The following MYH8 variants were observed in gnomAD, a reference collection of about 807,000 sequenced individuals.
MYH8 encodes myosin-8.
MYH8 carries 168 observed loss-of-function variants against 233.2 expected under a neutral mutation model. That is an observed-to-expected ratio of 0.72 (90% CI 0.64 to 0.82). The LOEUF is 0.82. Ranked by LOEUF, MYH8 falls within the 40% of genes least tolerant of loss-of-function variation. The pLI is 0.00. For missense variants in MYH8, 1,995 were observed against 2,327.8 expected, an observed-to-expected ratio of 0.86 and a Z score of 2.94; for synonymous variants, 785 against 850.6, an observed-to-expected ratio of 0.92 and a Z score of 1.34.
chr17:10,406,110 A>T lies in MYH8; in HGVS notation c.2363T>A (p.Ile788Lys). 6 of 1,614,112 alleles carry T rather than the reference A, an allele frequency of 3.7e-6. No homozygotes were observed. Among genetic ancestry groups the T allele is most frequent in the Non-Finnish European group, 4.2e-6 (5 of 1,180,004 alleles). Residue 788 changes from isoleucine (I) to lysine (K), a missense_variant, in exon 21 of 40, where the codon ATA (isoleucine) becomes AAA (lysine). Ile to Lys is a moderately radical substitution (Grantham distance 102). Transcript: ENST00000403437. ...CCTACAGACAGCTTGTGTTCTTGTTATAATTTGGGCTAATTTTTCATCTCT... is the reference window on the plus strand; with the variant it reads ...CCTACAGACAGCTTGTGTTCTTGTTTTAATTTGGGCTAATTTTTCATCTCT... ...EMRDEKLAQI[I>K]TRTQAVCRGF... is the part of the protein sequence containing the mutation.
At chr17:10,398,909 A>C (rs1436642648) in intron 28 of MYH8, 23 bp from the exon 29 acceptor site, 2 of 1,575,672 alleles carry the variant, frequency 1.3e-6, no homozygotes, top group Admixed American at 1.7e-5. Flanking sequence ...GACATAAGGG[A>C]ATTTTTTACT....
chr17:10,391,309 T>C (rs2072020552), intron 39 of MYH8, among the ~76,000 whole-genome samples: 1 of 152,238 alleles, frequency 6.6e-6, no homozygotes, highest in Non-Finnish European at 1.5e-5. Context: ...GAATTTCTAC[T>C]GTATATCATT....
Position 10,390,434 on chromosome 17 carries a change from A to G in MYH8, c.*20T>C. On this transcript the variant is annotated 3_prime_UTR_variant, in exon 40 of 40. Coordinates refer to ENST00000403437, the MANE Select transcript of MYH8 (RefSeq NM_002472.3). ...TTTTGTGCCTTTCTTCAGCCTCTTG[A>G]TAGCATCAGGCAGGTGTGTTTACTC... 6.2e-7 allele frequency: 1 copy of G among 1,612,774 alleles called. No individual in the cohort carries two copies. Among genetic ancestry groups the G allele is most frequent in the Non-Finnish European group, 8.5e-7 (1 of 1,180,014 alleles).
In MYH8 at chr17:10,401,778, T is replaced by A; in HGVS notation, c.2696A>T (p.Asp899Val). 1 of 1,614,246 alleles carries A rather than the reference T, an allele frequency of 6.2e-7. No individual in the cohort carries two copies. The highest frequency in any genetic ancestry group is 8.5e-7 in the Non-Finnish European group (1 of 1,180,046). ...DLQLQVQSEA[D>V]SLADAEERCE... ...CCTTTCCTCTGCATCAGCCAAGCTATCTGCTTCCTATGGAGAGATTCATTC... is the reference window on the plus strand; with the variant it reads ...CCTTTCCTCTGCATCAGCCAAGCTAACTGCTTCCTATGGAGAGATTCATTC... The change falls in exon 23 of 40, where the codon GAT becomes GTT. Residue 899 changes from aspartate to valine, a missense_variant. Physicochemically the swap from Asp to Val is radical, Grantham distance 152. Coordinates refer to ENST00000403437, the MANE Select transcript of MYH8 (RefSeq NM_002472.3).
In MYH8 at chr17:10,396,974, G is replaced by A; in HGVS notation, c.4191C>T (p.Ala1397=). 6.2e-7 allele frequency: 1 copy of A among 1,614,134 alleles called. No individual in the cohort carries two copies. Among genetic ancestry groups the A allele is most frequent in the East Asian group, 2.2e-5 (1 of 44,876 alleles). Residue 1397 remains alanine (A), a synonymous_variant, in exon 31 of 40, where the codon GCC becomes GCT. Transcript: ENST00000403437. This position sits in a 1 kb window ranked among gnomAD's most constrained non-coding sequence, Gnocchi z 4.2. ...GTTCCTCAGCTTCTTGCAGGCGCTG[G>A]GCCAACTTTTTCCTGAAAAGTTAGC... ...EELEEAKKKL[A]QRLQEAEEHV...
intron 39 of MYH8, 116 bp from the exon 40 acceptor site, chr17:10,390,719 T>G (rs1226185441): frequency 6.7e-6 from 8 of 1,188,510 alleles, no homozygotes; most frequent in Non-Finnish European, 9.9e-6. Context: ...ATTTAGCATA[T>G]CCGACTTTAA....
At position 10,413,138 on chromosome 17, in the gene MYH8, C is replaced by A. The variant is rs370067415; in HGVS notation, c.1148-410G>T. The stretch of plus-strand genomic sequence containing the variant: ...CTTAGTTTTTCACCTCCCTATTAAA[C>A]CTTGCTGGATTAATTTCTTTATCTA... On this transcript the variant is annotated intron_variant, in intron 12 of 39. Coordinates refer to ENST00000403437, the MANE Select transcript of MYH8 (RefSeq NM_002472.3). 2.6e-5 allele frequency among the ~76,000 whole-genome samples: 4 copies of A among 152,156 alleles called. No individual in the cohort carries two copies. In the East Asian group the frequency reaches 7.7e-4, roughly 29 times the overall value.
rs1231873171 is a variant in MYH8, at chr17:10,404,584, C to T, written c.2434G>A (p.Glu812Lys). The T allele has an allele frequency of 1.9e-6, 3 of 1,613,818 alleles. No individual in the cohort carries two copies. The highest frequency in any genetic ancestry group is 2.2e-5 in the East Asian group (1 of 44,894). ...TTATACTGGATGCAGAAAAGTGCTTCTCTGCGATGACATGAAAATATCAGT... is the reference window on the plus strand; with the variant it reads ...TTATACTGGATGCAGAAAAGTGCTTTTCTGCGATGACATGAAAATATCAGT... ...VEYQKMLQRR[E>K]ALFCIQYNVR... The change falls in exon 22 of 40, where the codon GAA (glutamate) becomes AAA (lysine). Residue 812 changes from glutamate (E) to lysine (K), a missense_variant and splice_region_variant. Around this residue, in one of 3 missense-constraint regions of MYH8, gnomAD observed 1,498 missense variants for 1,680.9 expected, o/e 0.89. Transcript: ENST00000403437.
intron 5 of MYH8, among the ~76,000 whole-genome samples, chr17:10,418,205 A>G (rs2142191620): frequency 6.6e-6 from 1 of 152,356 alleles, no homozygotes; most frequent in Non-Finnish European, 1.5e-5. Flanking sequence ...TAGCTGTGTC[A>G]TTCAAAAATA....
At chr17:10,397,478 T>C (rs1004549754) in intron 30 of MYH8, among the ~76,000 whole-genome samples, 2 of 152,178 alleles carry the variant, frequency 1.3e-5, no homozygotes, top group Non-Finnish European at 2.9e-5. Context: ...GTAAACTGTA[T>C]GGAAAGATCC....
intron 5 of MYH8, among the ~76,000 whole-genome samples, chr17:10,416,302 G>A (rs1004414577): frequency 3.9e-5 from 6 of 152,094 alleles, no homozygotes; most frequent in African/African-American, 9.7e-5. Context: ...CCTTTTAAAG[G>A]CAGGATATCT....
chr17:10,399,775 G>A (rs1192535846), intron 27 of MYH8, 106 bp from the exon 28 acceptor site: 17 of 1,500,752 alleles, frequency 1.1e-5, no homozygotes, highest in East Asian at 4.8e-5. Flanking sequence ...TCAAGTGTGA[G>A]TAGAAAGTTA....
In MYH8 at chr17:10,398,865, T is replaced by A; in HGVS notation, c.3884A>T (p.Asp1295Val). Residue 1295 changes from aspartate to valine, a missense_variant, in exon 29 of 40, where the codon GAT becomes GTT. Asp to Val is a radical substitution (Grantham distance 152). Transcript: ENST00000403437. ...CTGAGAGACTAAAGCATCTTTCTCA[T>A]CTAATTGTCGAGAATATTCACCTAG... ...TEAGEYSRQL[D>V]EKDALVSQLS... The A allele has an allele frequency of 6.2e-7, 1 of 1,613,208 alleles. No homozygotes were observed. The highest frequency in any genetic ancestry group is 8.5e-7 in the Non-Finnish European group (1 of 1,179,970).
Position 10,409,253 on chromosome 17 carries a change from A to G in MYH8, c.1897+26T>C, listed in dbSNP as rs760172844. 7 of 1,613,810 alleles carry G rather than the reference A, an allele frequency of 4.3e-6. No homozygotes were observed. The African/African-American group carries it at 9.3e-5, about 22-fold the overall frequency. ...ATAACATTATGTGAGAATGGATTTA[A>G]TTTAGATTAAGGACACAGAAAGTAC... is the stretch of plus-strand genomic sequence containing the variant. On this transcript the variant is annotated intron_variant, in intron 16 of 39. Transcript: ENST00000403437.
At chr17:10,405,558 A>C (rs1380463750) in intron 21 of MYH8, among the ~76,000 whole-genome samples, 4 of 152,212 alleles carry the variant, frequency 2.6e-5, no homozygotes, top group African/African-American at 9.6e-5. Flanking sequence ...AGTAGAGGGA[A>C]TGCAATAGTG....
Position 10,404,502 on chromosome 17 carries a change from A to G in MYH8, c.2516T>C (p.Ile839Thr), listed in dbSNP as rs1361071176. ...HWPWMKLFFK[I>T]KPLLKSAETE... Reference sequence around the variant, plus strand: ...CTCTGCACTCTTGAGGAGGGGCTTAATCTTGAAAAAGAGTTTCATCCAGGG... The same window carrying G: ...CTCTGCACTCTTGAGGAGGGGCTTAGTCTTGAAAAAGAGTTTCATCCAGGG... Residue 839 changes from isoleucine (I) to threonine (T), a missense_variant, in exon 22 of 40, where the codon ATT (isoleucine) becomes ACT (threonine). Transcript: ENST00000403437. 2 of 1,614,014 alleles carry G rather than the reference A, an allele frequency of 1.2e-6. No homozygotes were observed. The highest frequency in any genetic ancestry group is 3.3e-5 in the Admixed American group (2 of 60,008).
At chr17:10,391,274 G>T (rs1480034635) in intron 39 of MYH8, among the ~76,000 whole-genome samples, 1 of 152,118 alleles carries the variant, frequency 6.6e-6, no homozygotes, top group African/African-American at 2.4e-5. Flanking sequence ...TAGAGGGAGA[G>T]GAATATTTAT....
chr17:10,408,927 TA>T (rs1259030178), intron 17 of MYH8, among the ~76,000 whole-genome samples, 169 bp downstream of exon 17: 2 of 152,224 alleles, frequency 1.3e-5, no homozygotes, highest in Non-Finnish European at 2.9e-5. Flanking sequence ...GAATAATGGG[TA>T]AAGCATCCGT....
At chr17:10,407,689 A>G (rs1345435167) in intron 17 of MYH8, among the ~76,000 whole-genome samples, 8 of 151,962 alleles carry the variant, frequency 5.3e-5, no homozygotes, top group African/African-American at 1.9e-4. Context: ...AAATACAAAA[A>G]TTAGCCAGGT....
Sources: allele counts gnomAD v4.1 joint callset (sites outside exome capture counted in the v4.1 genomes callset), GRCh38; gene constraint gnomAD v4.1.1; regional missense constraint gnomAD v4.1.1; non-coding constraint Gnocchi (gnomAD v3.1); transcripts MANE v1.5; gene names NCBI Gene and HGNC (gene_info 2026-07-23, HGNC 2026-07-21).